The following PIGZ variants were observed in gnomAD, a reference collection of about 807,000 sequenced individuals.
The protein encoded by PIGZ is phosphatidylinositol glycan anchor biosynthesis class Z (Gwada blood group), also known as GPI alpha-1,2-mannosyltransferase 4.
PIGZ carries 16 observed loss-of-function variants against 16.4 expected under a neutral mutation model. The observed-to-expected ratio is 0.97, with a 90% CI of 0.66 to 1.48. PIGZ has a LOEUF of 1.48. PIGZ is among the 40% of genes most tolerant of loss of function. The probability of loss-of-function intolerance (pLI) is 0.00; values close to 1 mark genes in which losing one functional copy is unlikely to be tolerated. For synonymous variants in PIGZ, 409 were observed against 338.4 expected, an observed-to-expected ratio of 1.21 and a Z score of -2.29; for missense variants, 770 against 739.2, an observed-to-expected ratio of 1.04 and a Z score of -0.48.
chr3:196,958,610 G>A (rs1300637687), intron 1 of PIGZ, among the ~76,000 whole-genome samples: 1 of 152,186 alleles, frequency 6.6e-6, no homozygotes, highest in East Asian at 1.9e-4. Flanking sequence ...CAGCCTGGGG[G>A]ACAAGAGCGA....
Position 196,947,976 on chromosome 3 carries a change from C to T in PIGZ, c.921G>A (p.Ala307=), listed in dbSNP as rs80002025. 3,784 of 1,608,202 alleles carry T rather than the reference C, an allele frequency of 2.4e-3. 48 individuals carry two copies. The East Asian group carries it at 0.026, about 11-fold the overall frequency. ...LHYNLNPQNL[A]RHGTHARLTH... is the part of the protein sequence containing the mutation. Reference sequence around the variant, plus strand: ...TGAGCCGCGCGTGCGTGCCATGTCTCGCCAGGTTTTGGGGATTCAGGTTGT... The same window carrying T: ...TGAGCCGCGCGTGCGTGCCATGTCTTGCCAGGTTTTGGGGATTCAGGTTGT... The change falls in exon 3 of 3, where the codon GCG becomes GCA. Residue 307 remains alanine, a synonymous_variant. Coordinates refer to ENST00000412723, the MANE Select transcript of PIGZ (RefSeq NM_025163.4).
chr3:196,947,960 C>A lies in PIGZ; in HGVS notation c.937G>T (p.Ala313Ser). ...TTGACTGCCAGGTGAGTGAGCCGCG[C>A]GTGCGTGCCATGTCTCGCCAGGTTT... is the stretch of plus-strand genomic sequence containing the variant. ...PQNLARHGTH[A>S]RLTHLAVNGF... Residue 313 changes from alanine to serine, a missense_variant, in exon 3 of 3, where the codon GCG (alanine) becomes TCG (serine). Coordinates refer to ENST00000412723, the MANE Select transcript of PIGZ (RefSeq NM_025163.4). 1.2e-6 allele frequency: 2 copies of A among 1,611,320 alleles called. No homozygotes were observed. The highest frequency in any genetic ancestry group is 1.7e-6 in the Non-Finnish European group (2 of 1,178,394).
intron 1 of PIGZ, among the ~76,000 whole-genome samples, chr3:196,964,740 T>C (rs998661802): frequency 1.3e-5 from 2 of 152,050 alleles, no homozygotes; most frequent in African/African-American, 4.8e-5. Flanking sequence ...AACCCTATCC[T>C]TTTTTTTGTT....
chr3:196,960,644 G>T (rs898082679), intron 1 of PIGZ, among the ~76,000 whole-genome samples: 2 of 150,926 alleles, frequency 1.3e-5, no homozygotes, highest in African/African-American at 4.9e-5. Context: ...ACTCCATCCT[G>T]GGCGATAGAG....
chr3:196,948,086 C>G lies in PIGZ; in HGVS notation c.811G>C (p.Val271Leu), dbSNP rs146758492. ...LLPGAALTAA[V>L]FVATDSWYFS... is the part of the protein sequence containing the mutation. ...TACCAGCTGTCCGTGGCCACAAACA[C>G]CGCTGCTGTGAGGGCTGCCCCAGGG... Residue 271 changes from valine (V) to leucine (L), a missense_variant, in exon 3 of 3, where the codon GTG becomes CTG. Val to Leu is a conservative substitution (Grantham distance 32). Coordinates refer to ENST00000412723, the MANE Select transcript of PIGZ (RefSeq NM_025163.4). The G allele has an allele frequency of 4.8e-5, 76 of 1,590,162 alleles. No individual in the cohort carries two copies. The African/African-American group carries it at 9.5e-4, about 20-fold the overall frequency.
In PIGZ at chr3:196,957,580, T is replaced by TGC. The variant is rs1717548897; in HGVS notation, c.1-5550_1-5549insGC. ...TATTTTTAGTAGAGACGGGGTTTCA[T>TGC]CATGTTGGCCAGGCTGGTCTCGAAC... On this transcript the variant is annotated intron_variant, in intron 1 of 2. Coordinates refer to ENST00000412723, the MANE Select transcript of PIGZ (RefSeq NM_025163.4). 3.3e-5 allele frequency among the ~76,000 whole-genome samples: 5 copies of TGC among 152,014 alleles called. No individual in the cohort carries two copies. In the South Asian group the frequency reaches 1.0e-3, roughly 32 times the overall value.
Position 196,947,329 on chromosome 3 carries a change from G to A in PIGZ, c.1568C>T (p.Thr523Ile), listed in dbSNP as rs752865579. The A allele has an allele frequency of 6.2e-7, 1 of 1,614,198 alleles. No homozygotes were observed. ...CACGGCACGCCTGGTGGTGCCAGGG[G>A]TTACCACAAAGAGGCGGCAGAGCCA... is the stretch of plus-strand genomic sequence containing the variant. Reference protein sequence around the residue: ...GPWLCRLFVVTPGTTRRAVEK... With the variant: ...GPWLCRLFVVIPGTTRRAVEK... The change falls in exon 3 of 3, where the codon ACC becomes ATC. Residue 523 changes from threonine (T) to isoleucine (I), a missense_variant. Transcript: ENST00000412723.
At chr3:196,962,056 G>C (rs1210965309) in intron 1 of PIGZ, among the ~76,000 whole-genome samples, 2 of 152,132 alleles carry the variant, frequency 1.3e-5, no homozygotes, top group Non-Finnish European at 2.9e-5. Flanking sequence ...GGAAAAGAAA[G>C]AGAGATCAGA....
At chr3:196,950,004 T>A (rs1717205698) in intron 2 of PIGZ, among the ~76,000 whole-genome samples, 1 of 152,046 alleles carries the variant, frequency 6.6e-6, no homozygotes, top group African/African-American at 2.4e-5. Flanking sequence ...TTTTTTTTTT[T>A]AGACAGAGTC....
At position 196,948,093 on chromosome 3, in the gene PIGZ, T is replaced by C. The variant is rs200829246; in HGVS notation, c.804A>G (p.Thr268=). 1.9e-6 allele frequency: 3 copies of C among 1,591,378 alleles called. 1 individual carries two copies. The highest frequency in any genetic ancestry group is 2.3e-5 in the South Asian group (2 of 88,154). The part of the protein sequence containing the change: ...ALVLLPGAAL[T]AAVFVATDSW... The stretch of plus-strand genomic sequence containing the variant: ...TGTCCGTGGCCACAAACACCGCTGC[T>C]GTGAGGGCTGCCCCAGGGAGCAGCA... The change falls in exon 3 of 3, where the codon ACA becomes ACG. Residue 268 remains threonine, a synonymous_variant. Transcript: ENST00000412723.
chr3:196,966,422 C>T (rs1230878866), intron 1 of PIGZ, among the ~76,000 whole-genome samples: 2 of 152,226 alleles, frequency 1.3e-5, no homozygotes, highest in African/African-American at 4.8e-5. Flanking sequence ...CTTCCCTAAC[C>T]CTCCTTCTGA....
intron 1 of PIGZ, among the ~76,000 whole-genome samples, chr3:196,956,116 G>C (rs907233066): frequency 6.6e-6 from 1 of 151,568 alleles, no homozygotes; most frequent in Admixed American, 6.6e-5. Context: ...TGATTATTCT[G>C]GGTGCACATT....
chr3:196,955,666 C>T (rs760759213), intron 1 of PIGZ, among the ~76,000 whole-genome samples: 1 of 150,872 alleles, frequency 6.6e-6, no homozygotes, highest in Non-Finnish European at 1.5e-5. Context: ...AACCTCTGCC[C>T]CTCCTGGGTT....
Position 196,948,367 on chromosome 3 carries a change from G to A in PIGZ, c.530C>T (p.Ser177Phe). ...VTLVFYTRTF[S>F]NTIEGLLFTW... The stretch of plus-strand genomic sequence containing the variant: ...GAAGAGGAGTCCCTCAATGGTGTTG[G>A]AGAAGGTCCTTGTGTAGAAGACCAG... Residue 177 changes from serine to phenylalanine, a missense_variant, in exon 3 of 3, where the codon TCC (serine) becomes TTC (phenylalanine). Ser to Phe is a radical substitution (Grantham distance 155). Transcript: ENST00000412723. 6.2e-7 allele frequency: 1 copy of A among 1,614,192 alleles called. No homozygotes were observed. The highest frequency in any genetic ancestry group is 1.1e-5 in the South Asian group (1 of 91,088).
At chr3:196,966,632 A>G (rs529315418) in intron 1 of PIGZ, among the ~76,000 whole-genome samples, 40 of 152,344 alleles carry the variant, frequency 2.6e-4, no homozygotes, top group East Asian at 1.9e-3. Flanking sequence ...GGCATCGACC[A>G]TAACAAATGC....
intron 1 of PIGZ, among the ~76,000 whole-genome samples, chr3:196,958,155 G>A (rs1235045509): frequency 6.6e-6 from 1 of 152,072 alleles, no homozygotes; most frequent in Non-Finnish European, 1.5e-5. Context: ...CAGCATTTTA[G>A]TTATTTTCAG....
At chr3:196,952,164 C>T (rs1056990739) in intron 1 of PIGZ, 133 bp from the exon 2 acceptor site, 21 of 852,888 alleles carry the variant, frequency 2.5e-5, no homozygotes, top group African/African-American at 1.7e-4. Context: ...ACTCTATGCC[C>T]ACTAACTGCC....
chr3:196,947,343 G>A lies in PIGZ; in HGVS notation c.1554C>T (p.Arg518=). Residue 518 remains arginine (R), a synonymous_variant, in exon 3 of 3, where the codon CGC becomes CGT. Coordinates refer to ENST00000412723, the MANE Select transcript of PIGZ (RefSeq NM_025163.4). ...CQVAGGPWLC[R]LFVVTPGTTR... is the part of the protein sequence containing the mutation. ...TGGTGCCAGGGGTTACCACAAAGAG[G>A]CGGCAGAGCCATGGCCCACCAGCCA... The A allele has an allele frequency of 6.2e-7, 1 of 1,614,224 alleles. No individual in the cohort carries two copies. The highest frequency in any genetic ancestry group is 8.5e-7 in the Non-Finnish European group (1 of 1,180,046).
At chr3:196,948,896 TTCCCTTCCCCTCCCC>T (rs1560180830) in intron 2 of PIGZ, among the ~76,000 whole-genome samples, 1 of 90,524 alleles carries the variant, frequency 1.1e-5, no homozygotes. Context: ...TTCCCCTTCC[TTCCCTTCCCCTCCCC>T]TCCCTTCCCT....
Sources: gnomAD v4.1 joint callset for allele counts (sites outside exome capture counted in the v4.1 genomes callset) on GRCh38, gnomAD v4.1.1 for gene constraint, MANE v1.5 for transcripts, NCBI Gene and HGNC (gene_info 2026-07-23, HGNC 2026-07-21) for gene names.